The following PRIMA1 variants were observed in gnomAD, a reference collection of about 807,000 sequenced individuals.
PRIMA1 encodes the protein proline rich membrane anchor 1, also known as proline-rich membrane anchor 1.
In PRIMA1, 7 loss-of-function variants were observed where a neutral mutation model predicts 17.5. The observed-to-expected ratio is 0.40, with a 90% confidence interval of 0.23 to 0.75. The LOEUF (loss-of-function observed/expected upper bound fraction) is 0.75. Ranked by LOEUF, PRIMA1 falls within the 30% of genes least tolerant of loss-of-function variation. The pLI is 0.37. For synonymous variants in PRIMA1, 97 were observed against 77.9 expected, an observed-to-expected ratio of 1.25 and a Z score of -1.29; for missense variants, 200 against 201.8, an observed-to-expected ratio of 0.99 and a Z score of 0.05.
intron 3 of PRIMA1, among the ~76,000 whole-genome samples, chr14:93,768,375 C>A (rs1884954695): frequency 6.6e-6 from 1 of 152,226 alleles, no homozygotes; most frequent in Non-Finnish European, 1.5e-5. Flanking sequence ...TCACACCTCA[C>A]CTGTTTCTAT....
At chr14:93,765,063 T>TCC (rs199932154) in intron 3 of PRIMA1, among the ~76,000 whole-genome samples, 19 of 151,188 alleles carry the variant, frequency 1.3e-4, no homozygotes, top group African/African-American at 4.4e-4. Context: ...CCCCGTTGAG[T>TCC]CCCCCCCACT....
At chr14:93,732,629 C>T (rs969756389) in intron 4 of PRIMA1, among the ~76,000 whole-genome samples, 1 of 152,228 alleles carries the variant, frequency 6.6e-6, no homozygotes, top group Non-Finnish European at 1.5e-5. Context: ...CTGGTCCTGG[C>T]ACCTGGCCCA....
rs1885587989 is a variant in PRIMA1, at chr14:93,788,289, C to T, written c.-32+121G>A. The T allele has an allele frequency of 3.1e-5, 5 of 160,812 alleles. No homozygotes were observed. In the South Asian group the frequency reaches 6.9e-4, roughly 22 times the overall value. 10.0% of individuals were successfully genotyped at this position (160,812 alleles called of 1,614,324 possible). A position where few individuals can be genotyped will look rare whatever the true frequency, so the allele number is the denominator to read the frequency against. On this transcript the variant is annotated intron_variant, in intron 1 of 4. Coordinates refer to ENST00000393140, the MANE Select transcript of PRIMA1 (RefSeq NM_178013.4). ...GCCGGCCTCATTGCGCACACTGCAA[C>T]ATAGGCACCTCCGTGCGCTGCCCCT...
chr14:93,784,347 T>C (rs1885462055), intron 2 of PRIMA1, among the ~76,000 whole-genome samples: 1 of 152,192 alleles, frequency 6.6e-6, no homozygotes, highest in African/African-American at 2.4e-5. Flanking sequence ...TCTCTCTTTT[T>C]TTTTGAGACA....
intron 4 of PRIMA1, among the ~76,000 whole-genome samples, chr14:93,722,859 T>C (rs2076051388): frequency 4.6e-5 from 1 of 21,700 alleles, no homozygotes; most frequent in Non-Finnish European, 1.1e-4. Flanking sequence ...GGTGAATATC[T>C]ACACTAAGTT....
intron 3 of PRIMA1, among the ~76,000 whole-genome samples, chr14:93,741,384 G>T (rs188662000): frequency 6.6e-5 from 10 of 152,282 alleles, no homozygotes; most frequent in African/African-American, 2.4e-4. Context: ...CCTCCCATGG[G>T]GTGTGGCCAG....
intron 3 of PRIMA1, among the ~76,000 whole-genome samples, chr14:93,754,382 A>C (rs2076278332): frequency 6.7e-6 from 1 of 149,978 alleles, no homozygotes; most frequent in East Asian, 2.1e-4. Context: ...GATTTTTAGC[A>C]GCAGTGCCTT....
intron 3 of PRIMA1, among the ~76,000 whole-genome samples, chr14:93,745,269 A>G (rs2076209975): frequency 6.6e-6 from 1 of 152,124 alleles, no homozygotes; most frequent in Non-Finnish European, 1.5e-5. Flanking sequence ...TTTGGCAGGA[A>G]GTCAGACCTC....
intron 1 of PRIMA1, 136 bp from the exon 2 acceptor site, chr14:93,787,885 T>C: frequency 4.2e-6 from 4 of 958,604 alleles, no homozygotes; most frequent in Non-Finnish European, 6.0e-6. Flanking sequence ...AAGCCTGCAC[T>C]TACACTCCAG....
intron 4 of PRIMA1, among the ~76,000 whole-genome samples, chr14:93,735,772 ACCT>A (rs10539177): frequency 0.082 from 12,274 of 149,406 alleles, 535 homozygotes; most frequent in Non-Finnish European, 0.092. Context: ...GCGCACTGCA[ACCT>A]CCGCCTCCCA....
chr14:93,727,453 G>A (rs1263478068), intron 4 of PRIMA1, among the ~76,000 whole-genome samples: 7 of 152,212 alleles, frequency 4.6e-5, no homozygotes, highest in Non-Finnish European at 1.0e-4. Flanking sequence ...TCAGGCCTCG[G>A]TGACTGTCCT....
chr14:93,778,016 G>A, intron 3 of PRIMA1, among the ~76,000 whole-genome samples: 1 of 152,248 alleles, frequency 6.6e-6, no homozygotes, highest in East Asian at 1.9e-4. Flanking sequence ...ATTCTTTCAG[G>A]AGAGAGGAGG....
At chr14:93,782,779 G>C (rs1423914870) in intron 2 of PRIMA1, among the ~76,000 whole-genome samples, 1 of 152,224 alleles carries the variant, frequency 6.6e-6, no homozygotes, top group Non-Finnish European at 1.5e-5. Context: ...GCAGTGTCCT[G>C]ATAGTTTGGT....
At chr14:93,760,045 C>T (rs1249012071) in intron 3 of PRIMA1, among the ~76,000 whole-genome samples, 1 of 152,250 alleles carries the variant, frequency 6.6e-6, no homozygotes, top group Non-Finnish European at 1.5e-5. Context: ...CAACAGCTGC[C>T]GTCCCCGAGG....
intron 3 of PRIMA1, among the ~76,000 whole-genome samples, chr14:93,758,594 C>CAAAAAAAAAAAAAAAAAAA (rs34329291): frequency 4.9e-5 from 4 of 81,340 alleles, no homozygotes; most frequent in Non-Finnish European, 9.3e-5. Flanking sequence ...GCAAGACTCT[C>CAAAAAAAAAAAAAAAAAAA]AAAAAAAAAA....
intron 3 of PRIMA1, among the ~76,000 whole-genome samples, chr14:93,746,148 T>C (rs1454393148): frequency 6.6e-6 from 1 of 151,832 alleles, no homozygotes; most frequent in Non-Finnish European, 1.5e-5. Context: ...ATGCCCCTAA[T>C]TGGTTTAGAG....
At chr14:93,772,004 T>G (rs1038287336) in intron 3 of PRIMA1, among the ~76,000 whole-genome samples, 3 of 152,128 alleles carry the variant, frequency 2.0e-5, no homozygotes, top group East Asian at 1.9e-4. Flanking sequence ...ACCTCTGAGC[T>G]CCGCATAAAA....
chr14:93,758,995 G>A (rs1191056906), intron 3 of PRIMA1, among the ~76,000 whole-genome samples: 1 of 152,182 alleles, frequency 6.6e-6, no homozygotes, highest in East Asian at 1.9e-4. Context: ...TCAGTAAATG[G>A]TTCACAAGTG....
At chr14:93,725,615 T>G (rs1400596146) in intron 4 of PRIMA1, among the ~76,000 whole-genome samples, 6 of 152,226 alleles carry the variant, frequency 3.9e-5, no homozygotes. Flanking sequence ...CTCAGTTTCT[T>G]GTCTTTGAAA....
Sources: allele counts gnomAD v4.1 joint callset (sites outside exome capture counted in the v4.1 genomes callset), GRCh38; gene constraint gnomAD v4.1.1; transcripts MANE v1.5; gene names NCBI Gene and HGNC (gene_info 2026-07-23, HGNC 2026-07-21).